The following IFT80 variants were observed in gnomAD, a reference collection of about 807,000 sequenced individuals.
IFT80 encodes the protein intraflagellar transport 80.
In IFT80, 79 loss-of-function variants were observed where a neutral mutation model predicts 107.9. The observed-to-expected ratio is 0.73, with a 90% confidence interval of 0.61 to 0.88. IFT80 has a LOEUF of 0.88. Among genes scored for constraint, IFT80 ranks in the 40% least tolerant of loss-of-function variants. The pLI is 0.00. For missense variants in IFT80, 797 were observed against 914.2 expected, an observed-to-expected ratio of 0.87 and a Z score of 1.65; for synonymous variants, 299 against 300.9, an observed-to-expected ratio of 0.99 and a Z score of 0.07.
chr3:160,367,310 C>T (rs192293856), intron 5 of IFT80, among the ~76,000 whole-genome samples: 1 of 152,070 alleles, frequency 6.6e-6, no homozygotes, highest in South Asian at 2.1e-4. Context: ...GGAGTTATAG[C>T]CATCAGTATT....
intron 8 of IFT80, among the ~76,000 whole-genome samples, chr3:160,343,466 G>A (rs1183137653): frequency 6.6e-6 from 1 of 151,896 alleles, no homozygotes; most frequent in African/African-American, 2.4e-5. Flanking sequence ...TTAATATATT[G>A]TACAATTTAT....
At chr3:160,311,666 G>A (rs1444377858) in intron 9 of IFT80, among the ~76,000 whole-genome samples, 3 of 152,148 alleles carry the variant, frequency 2.0e-5, no homozygotes, top group Non-Finnish European at 4.4e-5. Context: ...AGAATCAGCA[G>A]GAGTAAGGAA....
intron 1 of IFT80, among the ~76,000 whole-genome samples, chr3:160,398,573 T>A (rs1175404531): frequency 1.3e-5 from 2 of 152,258 alleles, no homozygotes; most frequent in Non-Finnish European, 1.5e-5. Context: ...AAAATGCACA[T>A]AGAATTATGT....
At chr3:160,392,276 C>T (rs995126555) in intron 1 of IFT80, among the ~76,000 whole-genome samples, 4 of 152,236 alleles carry the variant, frequency 2.6e-5, no homozygotes, top group African/African-American at 9.6e-5. Context: ...TCTGCACTCA[C>T]TGCCATGGTG....
chr3:160,324,171 T>A (rs1718494741), intron 8 of IFT80, among the ~76,000 whole-genome samples: 1 of 152,112 alleles, frequency 6.6e-6, no homozygotes, highest in African/African-American at 2.4e-5. Context: ...CAGGACCAGA[T>A]GGATTCACAG....
chr3:160,381,072 A>C (rs919883010), intron 3 of IFT80, among the ~76,000 whole-genome samples: 2 of 149,836 alleles, frequency 1.3e-5, no homozygotes, highest in Non-Finnish European at 3.0e-5. Flanking sequence ...CTGTCTCTAC[A>C]AAAAAAATGT....
chr3:160,309,335 G>A (rs1717054515), intron 9 of IFT80, among the ~76,000 whole-genome samples: 1 of 152,124 alleles, frequency 6.6e-6, no homozygotes. Flanking sequence ...TCACACAGGG[G>A]AATATTATAC....
intron 10 of IFT80, among the ~76,000 whole-genome samples, chr3:160,307,095 G>C (rs1159050527): frequency 6.6e-6 from 1 of 152,184 alleles, no homozygotes; most frequent in Non-Finnish European, 1.5e-5. Flanking sequence ...GCTAGAGCCA[G>C]CCTGTACTAG....
At chr3:160,355,618 C>A (rs1400404774) in intron 8 of IFT80, among the ~76,000 whole-genome samples, 1 of 150,972 alleles carries the variant, frequency 6.6e-6, no homozygotes, top group Non-Finnish European at 1.5e-5. Context: ...AATATGCAAT[C>A]GAGATTTCGT....
intron 18 of IFT80, among the ~76,000 whole-genome samples, chr3:160,276,655 A>G (rs1714288315): frequency 6.6e-6 from 1 of 152,162 alleles, no homozygotes; most frequent in African/African-American, 2.4e-5. Flanking sequence ...TCAGAAAGCA[A>G]TCTGTCCGAG....
At chr3:160,285,159 C>A (rs1023089322) in intron 13 of IFT80, among the ~76,000 whole-genome samples, 3 of 151,670 alleles carry the variant, frequency 2.0e-5, no homozygotes, top group African/African-American at 7.3e-5. Flanking sequence ...GGCAACATGG[C>A]GAAACCCTGT....
At position 160,381,537 on chromosome 3, in the gene IFT80, G is replaced by A; in HGVS notation, c.225C>T (p.Thr75=). 6.2e-7 allele frequency: 1 copy of A among 1,613,540 alleles called. No individual in the cohort carries two copies. Among genetic ancestry groups the A allele is most frequent in the Non-Finnish European group, 8.5e-7 (1 of 1,179,742 alleles). ...FPKSLGVKKQ[T]QAESFVLTSS... is the part of the protein sequence containing the mutation. ...TTGTGAGGACAAAGCTTTCTGCCTG[G>A]GTTTGTTTCTTTACACCCAAACTTT... is the stretch of plus-strand genomic sequence containing the variant. Residue 75 remains threonine (T), a synonymous_variant, in exon 3 of 20, where the codon ACC becomes ACT. Transcript: ENST00000326448.
At chr3:160,264,418 G>GATTTT (rs1404250157) in intron 19 of IFT80, among the ~76,000 whole-genome samples, 2 of 149,258 alleles carry the variant, frequency 1.3e-5, no homozygotes, top group Non-Finnish European at 3.0e-5. Flanking sequence ...CAGGGATCAG[G>GATTTT]ATTTTATTTT....
intron 8 of IFT80, among the ~76,000 whole-genome samples, chr3:160,337,202 G>C (rs1331399175): frequency 6.6e-6 from 1 of 152,100 alleles, no homozygotes; most frequent in African/African-American, 2.4e-5. Flanking sequence ...AATCAGTCCT[G>C]ATTTTACTAT....
intron 1 of IFT80, among the ~76,000 whole-genome samples, chr3:160,397,625 A>T (rs1713884451): frequency 6.6e-6 from 1 of 152,084 alleles, no homozygotes; most frequent in Non-Finnish European, 1.5e-5. Context: ...TACCTAAAAA[A>T]TGATGGAACT....
rs1716374776 is a variant in IFT80 at position 160,300,905 on chromosome 3, T to A, written c.1293A>T (p.Ile431=). ...TVSLSNDTIA[I]RDKADEKIIF... ...TACTTTTTTCATCAGCTTTGTCTCT[T>A]ATTGCTATGGTATCATTACTCAAAG... is the stretch of plus-strand genomic sequence containing the variant. Residue 431 remains isoleucine (I), a synonymous_variant, in exon 12 of 20, where the codon ATA becomes ATT. Coordinates refer to ENST00000326448, the MANE Select transcript of IFT80 (RefSeq NM_020800.3). 1 of 1,608,064 alleles carries A rather than the reference T, an allele frequency of 6.2e-7. No homozygotes were observed. The highest frequency in any genetic ancestry group is 1.3e-5 in the African/African-American group (1 of 74,802).
At position 160,378,847 on chromosome 3, in the gene IFT80, A is replaced by T. The variant is rs76600292; in HGVS notation, c.260-1307T>A. On this transcript the variant is annotated intron_variant, in intron 3 of 19. Coordinates refer to ENST00000326448, the MANE Select transcript of IFT80 (RefSeq NM_020800.3). ...AGCTCTTCCTTGGAGTAGAATACCAACTAATCAATATGGAAGAAATTACGG... is the reference window on the plus strand; with the variant it reads ...AGCTCTTCCTTGGAGTAGAATACCATCTAATCAATATGGAAGAAATTACGG... 6.6e-5 allele frequency among the ~76,000 whole-genome samples: 10 copies of T among 152,274 alleles called. No homozygotes were observed. The East Asian group carries it at 1.9e-3, about 29-fold the overall frequency.
intron 2 of IFT80, chr3:160,384,326 TTAAG>T: frequency 9.5e-7 from 1 of 1,052,046 alleles, no homozygotes; most frequent in Non-Finnish European, 1.2e-6. Context: ...AGTATAGTAC[TTAAG>T]TAGAGTAAGA....
intron 12 of IFT80, chr3:160,298,950 A>G (rs1716202496): frequency 4.6e-6 from 1 of 217,470 alleles, no homozygotes; most frequent in Non-Finnish European, 7.8e-6. Context: ...TAGCTCCATT[A>G]TAATCTTATG....
Sources: gnomAD v4.1 joint callset for allele counts (sites outside exome capture counted in the v4.1 genomes callset) on GRCh38, gnomAD v4.1.1 for gene constraint, MANE v1.5 for transcripts, NCBI Gene and HGNC (gene_info 2026-07-23, HGNC 2026-07-21) for gene names.